Variants in TOM1L1 observed in about 807,000 individuals in gnomAD.
TOM1L1 encodes the protein target of myb1 like 1 membrane trafficking protein.
TOM1L1 carries 64 observed loss-of-function variants against 63.4 expected under a neutral mutation model. The ratio of observed to expected loss-of-function variants is 1.01; its 90% CI spans 0.83 to 1.24. The LOEUF (loss-of-function observed/expected upper bound fraction) is 1.24, where lower values mean the gene tolerates loss of function less well. Among genes scored for constraint, TOM1L1 ranks in the 50% most tolerant of loss-of-function variants. The pLI is 0.00. For missense variants in TOM1L1, 536 were observed against 567.0 expected (o/e 0.95, Z 0.55); for synonymous variants, 166 against 194.4 (o/e 0.85, Z 1.22).
At chr17:54,925,745 A>G (rs2143834650) in intron 7 of TOM1L1, among the ~76,000 whole-genome samples, 1 of 152,282 alleles carries the variant, frequency 6.6e-6, no homozygotes, top group South Asian at 2.1e-4. Flanking sequence ...CTCTACTAAA[A>G]ATACAAATAT....
At chr17:54,904,624 T>C (rs992581483) in intron 2 of TOM1L1, among the ~76,000 whole-genome samples, 1 of 152,246 alleles carries the variant, frequency 6.6e-6, no homozygotes, top group African/African-American at 2.4e-5. Flanking sequence ...TGTATTCTTA[T>C]AGCATGTGCT....
intron 12 of TOM1L1, among the ~76,000 whole-genome samples, chr17:54,948,781 A>T (rs775658063): frequency 2.6e-5 from 4 of 152,222 alleles, no homozygotes; most frequent in Admixed American, 2.0e-4. Context: ...AAGGAAAATT[A>T]TGAGAAGAGA....
Position 54,914,644 on chromosome 17 carries a change from T to C in TOM1L1, c.504T>C (p.Ala168=). ...AEAETARQET[A]QISSNPPTSV... The stretch of plus-strand genomic sequence containing the variant: ...ACCATGTTTCATACTCATAGACTGC[T>C]CAAATCTCATCAAATCCTCCAACAT... The change falls in exon 6 of 16, where the codon GCT becomes GCC. Residue 168 remains alanine, a synonymous_variant. Transcript: ENST00000575882. The C allele has an allele frequency of 6.2e-7, 1 of 1,612,804 alleles. No individual in the cohort carries two copies. Among genetic ancestry groups the C allele is most frequent in the Non-Finnish European group, 8.5e-7 (1 of 1,178,986 alleles).
chr17:54,903,644 T>C, intron 1 of TOM1L1, 64 bp from the exon 2 acceptor site: 1 of 1,436,442 alleles, frequency 7.0e-7, no homozygotes, highest in Admixed American at 1.7e-5. Flanking sequence ...AGGCAGATTA[T>C]TTCAGGAATA....
chr17:54,906,311 A>G lies in TOM1L1; in HGVS notation c.222+744A>G, dbSNP rs984192862. On this transcript the variant is annotated intron_variant, in intron 3 of 15. Coordinates refer to ENST00000575882, the MANE Select transcript of TOM1L1 (RefSeq NM_005486.3). ...TGGTGAAACCCCGTCTCTACTAAAA[A>G]TACAAAAAGTAGCAGGGCGTGGTGG... Among the ~76,000 whole-genome samples, 16 of 152,236 alleles carry G rather than the reference A, an allele frequency of 1.1e-4. No homozygotes were observed. The South Asian group carries it at 3.3e-3, about 32-fold the overall frequency.
At chr17:54,920,955 T>C (rs2048674388) in intron 7 of TOM1L1, among the ~76,000 whole-genome samples, 1 of 131,502 alleles carries the variant, frequency 7.6e-6, no homozygotes, top group South Asian at 2.3e-4. Flanking sequence ...GAACCGACGC[T>C]GACATGATTT....
In TOM1L1 at chr17:54,949,642, T is replaced by C. The variant is rs767381143; in HGVS notation, c.1288+19T>C. 1 of 1,569,692 alleles carries C rather than the reference T, an allele frequency of 6.4e-7. No homozygotes were observed. Among genetic ancestry groups the C allele is most frequent in the Non-Finnish European group, 8.8e-7 (1 of 1,139,662 alleles). On this transcript the variant is annotated intron_variant, in intron 13 of 15. Coordinates refer to ENST00000575882, the MANE Select transcript of TOM1L1 (RefSeq NM_005486.3). ...CATCCAGGTACATGGGACCTTATTA[T>C]TCGCATCAAATAAGGAAACTTATGA...
intron 3 of TOM1L1, chr17:54,906,811 A>G (rs2048418808): frequency 6.1e-6 from 6 of 985,340 alleles, no homozygotes; most frequent in Non-Finnish European, 7.2e-6. Flanking sequence ...TTACTTTAGT[A>G]TGTGTTGCAA....
In TOM1L1 at chr17:54,919,044, T is replaced by C. The variant is rs141851894; in HGVS notation, c.720+3182T>C. On this transcript the variant is annotated intron_variant, in intron 7 of 15. Transcript: ENST00000575882. ...GGGTTCTTGACCTTAGGCAAGTCATTTACTATCACTGGACTTAGTTTATGT... is the reference window on the plus strand; with the variant it reads ...GGGTTCTTGACCTTAGGCAAGTCATCTACTATCACTGGACTTAGTTTATGT... Among the ~76,000 whole-genome samples, 12 of 152,290 alleles carry C rather than the reference T, an allele frequency of 7.9e-5. No homozygotes were observed. In the East Asian group the frequency reaches 2.3e-3, roughly 29 times the overall value.
chr17:54,935,444 T>G (rs1384237189), intron 8 of TOM1L1, among the ~76,000 whole-genome samples: 2 of 152,184 alleles, frequency 1.3e-5, no homozygotes, highest in Non-Finnish European at 2.9e-5. Context: ...TGATTCAGTA[T>G]AAACTCTTAC....
At chr17:54,944,271 A>G (rs2049081121) in intron 11 of TOM1L1, among the ~76,000 whole-genome samples, 1 of 151,156 alleles carries the variant, frequency 6.6e-6, no homozygotes, top group Admixed American at 6.6e-5. Context: ...AAAATGGTGA[A>G]ACCCCATCTC....
intron 3 of TOM1L1, among the ~76,000 whole-genome samples, chr17:54,911,493 C>T (rs2048496306): frequency 6.6e-6 from 1 of 152,102 alleles, no homozygotes; most frequent in Non-Finnish European, 1.5e-5. Context: ...TAAATTTCAG[C>T]CCATCATTTT....
chr17:54,923,551 T>C lies in TOM1L1; in HGVS notation c.721-6522T>C, dbSNP rs568946799. Among the ~76,000 whole-genome samples the C allele has an allele frequency of 1.5e-3, 224 of 151,772 alleles. 8 individuals carry two copies. The South Asian group carries it at 0.045, about 31-fold the overall frequency. ...TATTTTTTAAATTAATTATTTTATT[T>C]ATTTATTTTTTTGAGATGGAGTCTT... On this transcript the variant is annotated intron_variant, in intron 7 of 15. Coordinates refer to ENST00000575882, the MANE Select transcript of TOM1L1 (RefSeq NM_005486.3).
At chr17:54,924,008 T>C (rs368387293) in intron 7 of TOM1L1, among the ~76,000 whole-genome samples, 1 of 152,030 alleles carries the variant, frequency 6.6e-6, no homozygotes, top group East Asian at 1.9e-4. Flanking sequence ...ATAAATAAAA[T>C]AAAATGTAAA....
intron 3 of TOM1L1, among the ~76,000 whole-genome samples, chr17:54,907,082 T>G (rs998206343): frequency 5.9e-5 from 9 of 151,984 alleles, no homozygotes; most frequent in African/African-American, 2.2e-4. Flanking sequence ...ACGGTCTTCA[T>G]GATTTGATCA....
At chr17:54,902,446 C>T (rs1387735746) in intron 1 of TOM1L1, among the ~76,000 whole-genome samples, 2 of 152,130 alleles carry the variant, frequency 1.3e-5, no homozygotes, top group African/African-American at 2.4e-5. Flanking sequence ...CATGCCACCA[C>T]GCCAGGCTAA....
intron 12 of TOM1L1, among the ~76,000 whole-genome samples, chr17:54,948,204 T>C (rs1598053619): frequency 6.6e-6 from 1 of 152,212 alleles, no homozygotes; most frequent in Non-Finnish European, 1.5e-5. Flanking sequence ...AGGGAAGCCC[T>C]GTTTCAACCT....
At chr17:54,940,208 T>C (rs2049014140) in intron 11 of TOM1L1, among the ~76,000 whole-genome samples, 1 of 152,224 alleles carries the variant, frequency 6.6e-6, no homozygotes, top group South Asian at 2.1e-4. Context: ...TCAGGTTTTC[T>C]GATAGTCCAA....
chr17:54,924,131 A>T (rs966756327), intron 7 of TOM1L1, among the ~76,000 whole-genome samples: 1 of 151,936 alleles, frequency 6.6e-6, no homozygotes, highest in Non-Finnish European at 1.5e-5. Context: ...TCTTTAGCCT[A>T]CTTCTGTTTC....
Sources: gnomAD v4.1 joint callset for allele counts (sites outside exome capture counted in the v4.1 genomes callset) on GRCh38, gnomAD v4.1.1 for gene constraint, MANE v1.5 for transcripts, NCBI Gene and HGNC (gene_info 2026-07-23, HGNC 2026-07-21) for gene names.